Variants in NEBL observed in about 807,000 individuals in gnomAD.
The protein encoded by NEBL is nebulette.
NEBL carries 122 observed loss-of-function variants against 140.2 expected under a neutral mutation model. That is an observed-to-expected ratio of 0.87 (90% confidence interval 0.75 to 1.01). The LOEUF is 1.01. Ranked by LOEUF, NEBL falls within the 50% of genes least tolerant of loss-of-function variation. NEBL has a pLI of 0.00. For missense variants in NEBL, 1,365 were observed against 1,231.3 expected, an observed-to-expected ratio of 1.11 and a Z score of -1.62; for synonymous variants, 436 against 398.9, an observed-to-expected ratio of 1.09 and a Z score of -1.11.
At chr10:20,812,516 C>T (rs1357413268) in intron 24 of NEBL, among the ~76,000 whole-genome samples, 1 of 148,210 alleles carries the variant, frequency 6.7e-6, no homozygotes, top group African/African-American at 2.5e-5. Flanking sequence ...CAAGGAGGAA[C>T]ATTCTTAAAA....
At chr10:21,116,628 A>G (rs1272838881) in intron 2 of NEBL, among the ~76,000 whole-genome samples, 2 of 151,822 alleles carry the variant, frequency 1.3e-5, no homozygotes, top group Non-Finnish European at 2.9e-5. Flanking sequence ...TCTCCTCATT[A>G]TGGGTCACAT....
At chr10:21,226,952 C>T (rs1468090639) in intron 3 of NEBL, among the ~76,000 whole-genome samples, 1 of 152,068 alleles carries the variant, frequency 6.6e-6, no homozygotes. Context: ...TTGTCCACCT[C>T]CCCACTACTA....
chr10:21,109,993 C>T (rs1837914740), intron 2 of NEBL, among the ~76,000 whole-genome samples: 1 of 152,030 alleles, frequency 6.6e-6, no homozygotes. Context: ...TTTTTCATGC[C>T]TCTATCTCCT....
At chr10:21,154,398 G>A (rs973697559) in intron 2 of NEBL, among the ~76,000 whole-genome samples, 3 of 147,394 alleles carry the variant, frequency 2.0e-5, no homozygotes, top group African/African-American at 7.7e-5. Context: ...GGTGGAGGTT[G>A]CAATGAGCTG....
chr10:21,231,833 A>T (rs1191619448), intron 3 of NEBL, among the ~76,000 whole-genome samples: 2 of 152,120 alleles, frequency 1.3e-5, no homozygotes, highest in African/African-American at 4.8e-5. Flanking sequence ...CCCTCCAACC[A>T]TGGAACAGAC....
At chr10:20,802,200 A>G (rs1221562001) in intron 26 of NEBL, among the ~76,000 whole-genome samples, 2 of 152,202 alleles carry the variant, frequency 1.3e-5, no homozygotes, top group African/African-American at 4.8e-5. Context: ...AGAAACACAA[A>G]GTAATACCGG....
At chr10:21,213,405 G>A (rs1158921939) in intron 3 of NEBL, among the ~76,000 whole-genome samples, 2 of 152,152 alleles carry the variant, frequency 1.3e-5, no homozygotes, top group Non-Finnish European at 2.9e-5. Flanking sequence ...GAGGAAAACC[G>A]GAGAGGAGCG....
chr10:21,228,718 A>G (rs1352444982), intron 3 of NEBL, among the ~76,000 whole-genome samples: 1 of 152,252 alleles, frequency 6.6e-6, no homozygotes, highest in African/African-American at 2.4e-5. Flanking sequence ...CTTTCCATAA[A>G]TAAAATTTCT....
chr10:21,002,828 A>G (rs1409195884), intron 3 of NEBL, among the ~76,000 whole-genome samples: 1 of 152,080 alleles, frequency 6.6e-6, no homozygotes, highest in Non-Finnish European at 1.5e-5. Flanking sequence ...CTCCTCCAAC[A>G]CTGGAGATTA....
At chr10:20,888,074 G>C in intron 4 of NEBL, 23 bp downstream of exon 4, 1 of 1,478,132 alleles carries the variant, frequency 6.8e-7, no homozygotes, top group Admixed American at 1.7e-5. Context: ...ACAAAATCAT[G>C]AAACACTTTA....
At chr10:20,900,172 T>G (rs2131425493), upstream of NEBL, among the ~76,000 whole-genome samples, 5 of 152,340 alleles carry the variant, frequency 3.3e-5, 1 homozygote, top group South Asian at 1.0e-3. Flanking sequence ...TAGCTTTTAC[T>G]TATTGGGCAC....
intron 4 of NEBL, among the ~76,000 whole-genome samples, chr10:20,918,618 AC>A (rs1564442655): frequency 6.6e-6 from 1 of 151,788 alleles, no homozygotes; most frequent in Non-Finnish European, 1.5e-5. Flanking sequence ...TGGGAGGCCG[AC>A]GGGGGCAGAT....
intron 4 of NEBL, among the ~76,000 whole-genome samples, chr10:20,912,267 G>C (rs1848360240): frequency 6.6e-6 from 1 of 152,178 alleles, no homozygotes; most frequent in South Asian, 2.1e-4. Flanking sequence ...AGAAAAGCAA[G>C]TCAATGGCAT....
rs1588972138 is a variant in NEBL, at chr10:20,897,047, AAAG to A, written c.82-21_82-19del. 14 of 1,609,718 alleles carry A rather than the reference AAAG, an allele frequency of 8.7e-6. 1 individual carries two copies. The East Asian group carries it at 3.1e-4, about 36-fold the overall frequency. Reference sequence around the variant, plus strand: ...TAGAAGACCTATTTGAAAAAAAAGAAAAGAACAGAAAGAACATTTTTCTCATTG... The same window carrying A: ...TAGAAGACCTATTTGAAAAAAAAGAAAACAGAAAGAACATTTTTCTCATTG... On this transcript the variant is annotated intron_variant, in intron 1 of 27. Coordinates refer to ENST00000377122, the MANE Select transcript of NEBL (RefSeq NM_006393.3).
chr10:20,797,476 G>C (rs1836665166), intron 26 of NEBL, among the ~76,000 whole-genome samples: 1 of 152,140 alleles, frequency 6.6e-6, no homozygotes, highest in African/African-American at 2.4e-5. Flanking sequence ...TCTTGGTGCT[G>C]ATTAAATTGC....
At chr10:20,865,285 G>A (rs1844161041) in intron 7 of NEBL, among the ~76,000 whole-genome samples, 1 of 152,072 alleles carries the variant, frequency 6.6e-6, no homozygotes, top group East Asian at 1.9e-4. Context: ...ATGTTTCTAT[G>A]GGCCAGGCAC....
At chr10:21,200,939 A>G (rs898645820) in intron 3 of NEBL, among the ~76,000 whole-genome samples, 2 of 152,072 alleles carry the variant, frequency 1.3e-5, no homozygotes, top group African/African-American at 2.4e-5. Context: ...AAAAATAAAA[A>G]ATTATCTGGA....
chr10:21,001,191 G>GCCGACAGA (rs1039970620), intron 3 of NEBL, among the ~76,000 whole-genome samples: 3 of 152,184 alleles, frequency 2.0e-5, no homozygotes, highest in African/African-American at 7.2e-5. Context: ...GGTCCAGCCA[G>GCCGACAGA]CCGACAGACC....
intron 3 of NEBL, among the ~76,000 whole-genome samples, chr10:20,963,538 A>G (rs894826045): frequency 3.9e-5 from 6 of 152,174 alleles, no homozygotes; most frequent in Non-Finnish European, 8.8e-5. Context: ...AATAAATTCT[A>G]GAATCATAGG....
Sources: allele counts gnomAD v4.1 joint callset (sites outside exome capture counted in the v4.1 genomes callset), GRCh38; gene constraint gnomAD v4.1.1; transcripts MANE v1.5; gene names NCBI Gene and HGNC (gene_info 2026-07-23, HGNC 2026-07-21).